The following DIXDC1 variants were observed in gnomAD, a reference collection of about 807,000 sequenced individuals.
DIXDC1 encodes DIX domain containing 1.
In DIXDC1, 64 loss-of-function variants were observed where a neutral mutation model predicts 103.1. The ratio of observed to expected loss-of-function variants is 0.62; its 90% confidence interval spans 0.51 to 0.76. The LOEUF (loss-of-function observed/expected upper bound fraction) is 0.76, where lower values mean the gene tolerates loss of function less well. Ranked by LOEUF, DIXDC1 falls within the 30% of genes least tolerant of loss-of-function variation. The pLI is 0.00. For missense variants in DIXDC1, 759 were observed against 834.2 expected (o/e 0.91, Z 1.11); for synonymous variants, 266 against 298.5 (o/e 0.89, Z 1.12).
At chr11:111,988,615 A>G (rs1555174138) in intron 9 of DIXDC1, among the ~76,000 whole-genome samples, 2 of 152,216 alleles carry the variant, frequency 1.3e-5, no homozygotes, top group Non-Finnish European at 2.9e-5. Context: ...ATAATTATTT[A>G]ATGACATTGG....
At chr11:111,966,515 T>A (rs1292928601) in intron 2 of DIXDC1, among the ~76,000 whole-genome samples, 1 of 149,388 alleles carries the variant, frequency 6.7e-6, no homozygotes, top group African/African-American at 2.5e-5. Context: ...GCCATTCTCC[T>A]GCCTCAGCCT....
chr11:111,953,214 G>A (rs1174339094), intron 1 of DIXDC1, among the ~76,000 whole-genome samples: 2 of 152,210 alleles, frequency 1.3e-5, no homozygotes, highest in Non-Finnish European at 2.9e-5. Context: ...GCTTGGTTAT[G>A]TGGGATAGGG....
intron 1 of DIXDC1, among the ~76,000 whole-genome samples, chr11:111,928,015 C>CAAAAAAAA: frequency 2.9e-5 from 2 of 68,764 alleles, no homozygotes; most frequent in Non-Finnish European, 5.6e-5. Flanking sequence ...GACTCCATCT[C>CAAAAAAAA]AAAAAAAAAA....
chr11:111,993,091 C>G, intron 12 of DIXDC1, 87 bp downstream of exon 12: 1 of 1,404,768 alleles, frequency 7.1e-7, no homozygotes, highest in Non-Finnish European at 9.6e-7. Context: ...CTTAAGTATT[C>G]TATTTTCATC....
intron 1 of DIXDC1, among the ~76,000 whole-genome samples, chr11:111,953,996 A>G (rs1371602490): frequency 6.6e-6 from 1 of 152,054 alleles, no homozygotes; most frequent in Non-Finnish European, 1.5e-5. Flanking sequence ...GAGGTCCCCA[A>G]CCTTTCTGGC....
At chr11:111,936,622 C>T (rs1555168113), upstream of DIXDC1, among the ~76,000 whole-genome samples, 2 of 152,150 alleles carry the variant, frequency 1.3e-5, no homozygotes, top group Admixed American at 6.5e-5. Context: ...GTTCTGATAC[C>T]ATCAATAACT....
At position 111,988,847 on chromosome 11, in the gene DIXDC1, G is replaced by A. The variant is rs977656030; in HGVS notation, c.1063-158G>A. 6.6e-6 allele frequency: 4 copies of A among 607,318 alleles called. No individual in the cohort carries two copies. In the South Asian group the frequency reaches 7.9e-5, roughly 12 times the overall value. The allele number at this position is 607,318 out of a possible 1,614,324, so 37.6% of individuals were successfully genotyped here. On this transcript the variant is annotated intron_variant, in intron 9 of 19. Coordinates refer to ENST00000440460, the MANE Select transcript of DIXDC1 (RefSeq NM_001037954.4). The stretch of plus-strand genomic sequence containing the variant: ...TCTTCTTGTTTCTGTGGATCAGCCT[G>A]TACTGCTCACTGAACCAGAGCTGTT...
chr11:111,984,077 C>T (rs1860411080), intron 7 of DIXDC1, among the ~76,000 whole-genome samples: 2 of 152,148 alleles, frequency 1.3e-5, no homozygotes, highest in South Asian at 2.1e-4. Flanking sequence ...TAGCAAAATT[C>T]ATTTGACTTA....
At chr11:112,009,589 C>T (rs587690879) in intron 17 of DIXDC1, among the ~76,000 whole-genome samples, 1 of 152,314 alleles carries the variant, frequency 6.6e-6, no homozygotes, top group South Asian at 2.1e-4. Flanking sequence ...AATCCAGCAG[C>T]ACATCAAAAA....
chr11:111,977,730 C>A lies in DIXDC1; in HGVS notation c.656+2747C>A. ...GTGACTCTCAGCCTCCCACTTCACC[C>A]GGGGACGCAGGCTTGCTGAAGCCCG... On this transcript the variant is annotated intron_variant, in intron 5 of 19. Transcript: ENST00000440460. This position sits in a 1 kb window ranked among gnomAD's most constrained non-coding sequence, Gnocchi z 6.1. 1.3e-6 allele frequency: 2 copies of A among 1,554,856 alleles called. No homozygotes were observed.
chr11:111,980,858 T>C lies in DIXDC1; in HGVS notation c.769+9T>C, dbSNP rs1566523708. The C allele has an allele frequency of 1.9e-6, 3 of 1,608,982 alleles. No homozygotes were observed. In the East Asian group the frequency reaches 6.7e-5, roughly 36 times the overall value. ...AATAGAGAACAGAACAGGTACTATC[T>C]CTACGCCTGCCTGGGCTGGTTCAAG... On this transcript the variant is annotated intron_variant, in intron 6 of 19. Coordinates refer to ENST00000440460, the MANE Select transcript of DIXDC1 (RefSeq NM_001037954.4).
At chr11:112,016,400 A>C (rs1861590951) in intron 17 of DIXDC1, among the ~76,000 whole-genome samples, 1 of 152,108 alleles carries the variant, frequency 6.6e-6, no homozygotes, top group Non-Finnish European at 1.5e-5. Flanking sequence ...AAATCTTCCC[A>C]TGCTTCTCTG....
In DIXDC1 at chr11:111,974,374, T is replaced by G. The variant is rs80062744; in HGVS notation, c.548+120T>G. On this transcript the variant is annotated intron_variant, in intron 4 of 19. Coordinates refer to ENST00000440460, the MANE Select transcript of DIXDC1 (RefSeq NM_001037954.4). Reference sequence around the variant, plus strand: ...CAGCCCCAGATTGCAGAAAAGAACATGGAGTGGGGAGGTAGGGGAGGGCAC... The same window carrying G: ...CAGCCCCAGATTGCAGAAAAGAACAGGGAGTGGGGAGGTAGGGGAGGGCAC... 7.9e-3 allele frequency: 7,604 copies of G among 960,146 alleles called. 43 individuals carry two copies. Among genetic ancestry groups the G allele is most frequent in the Middle Eastern group, 0.027 (96 of 3,610 alleles). 59.5% of individuals were successfully genotyped at this position (960,146 alleles called of 1,614,324 possible). A position where few individuals can be genotyped will look rare whatever the true frequency, so the allele number is the denominator to read the frequency against.
At chr11:111,959,590 T>C (rs1249602502) in intron 1 of DIXDC1, among the ~76,000 whole-genome samples, 2 of 152,320 alleles carry the variant, frequency 1.3e-5, no homozygotes, top group African/African-American at 4.8e-5. Flanking sequence ...CTTGCCAGAC[T>C]GAGTGGGCCC....
Position 112,018,949 on chromosome 11 carries a change from T to C in DIXDC1, c.1972-7T>C, listed in dbSNP as rs781908201. 3 of 1,612,984 alleles carry C rather than the reference T, an allele frequency of 1.9e-6. No individual in the cohort carries two copies. Among genetic ancestry groups the C allele is most frequent in the Non-Finnish European group, 2.5e-6 (3 of 1,179,368 alleles). ...TTTTCACTGTGGCTTTTTGTTTTTT[T>C]CTCTAGATTTTCCATGATGATGATG... On this transcript the variant is annotated splice_polypyrimidine_tract_variant and splice_region_variant and intron_variant, in intron 19 of 19. Transcript: ENST00000440460.
chr11:111,939,587 T>C (rs1966350219), intron 1 of DIXDC1, among the ~76,000 whole-genome samples: 1 of 152,204 alleles, frequency 6.6e-6, no homozygotes, highest in African/African-American at 2.4e-5. Context: ...CAATGAGTAC[T>C]TTTGATTTCT....
chr11:111,958,087 A>T lies in DIXDC1; in HGVS notation c.61-6462A>T, dbSNP rs1859447249. Among the ~76,000 whole-genome samples the T allele has an allele frequency of 6.6e-6, 1 of 152,114 alleles. No individual in the cohort carries two copies. The highest frequency in any genetic ancestry group is 2.4e-5 in the African/African-American group (1 of 41,414). On this transcript the variant is annotated intron_variant, in intron 1 of 19. Transcript: ENST00000440460. This position sits in a 1 kb window ranked among gnomAD's most constrained non-coding sequence, Gnocchi z 4.2. ...CCCTGTGCTCTTGGGGGCCAGGAGC[A>T]GGCAGGAGCCCCACCCTCCTGGGCG...
At position 111,993,652 on chromosome 11, in the gene DIXDC1, T is replaced by C; in HGVS notation, c.1366-17T>C. On this transcript the variant is annotated splice_polypyrimidine_tract_variant and intron_variant, in intron 13 of 19. Transcript: ENST00000440460. ...GGCCCAAAGAAATCATTTTCTGATT[T>C]AGTGTCTATTTTGCAGGTGGATCTA... 6.2e-7 allele frequency: 1 copy of C among 1,614,004 alleles called. No individual in the cohort carries two copies. Among genetic ancestry groups the C allele is most frequent in the Non-Finnish European group, 8.5e-7 (1 of 1,179,896 alleles).
In DIXDC1 at chr11:111,949,944, G is replaced by T. The variant is rs868976249; in HGVS notation, c.60+12385G>T. Among the ~76,000 whole-genome samples the T allele has an allele frequency of 3.3e-5, 5 of 151,602 alleles. No individual in the cohort carries two copies. The Middle Eastern group carries it at 0.01, about 309-fold the overall frequency. Reference sequence around the variant, plus strand: ...TTTTTTTTTTAAACGTTTCTCTCTTGTAGCAGCAATCACTTTGTGTCCGTT... The same window carrying T: ...TTTTTTTTTTAAACGTTTCTCTCTTTTAGCAGCAATCACTTTGTGTCCGTT... On this transcript the variant is annotated intron_variant, in intron 1 of 19. Transcript: ENST00000440460.
Sources: allele counts gnomAD v4.1 joint callset (sites outside exome capture counted in the v4.1 genomes callset), GRCh38; gene constraint gnomAD v4.1.1; non-coding constraint Gnocchi (gnomAD v3.1); transcripts MANE v1.5; gene names NCBI Gene and HGNC (gene_info 2026-07-23, HGNC 2026-07-21).